The following TMTC4 variants were observed in gnomAD, a reference collection of about 807,000 sequenced individuals.
TMTC4 encodes transmembrane O-mannosyltransferase targeting cadherins 4, also known as protein O-mannosyl-transferase TMTC4.
Under a neutral mutation model 86.0 loss-of-function variants are expected in TMTC4, and 65 were observed. The ratio of observed to expected loss-of-function variants is 0.76; its 90% CI spans 0.62 to 0.93. TMTC4 has a LOEUF of 0.93. Among genes scored for constraint, TMTC4 ranks in the 40% least tolerant of loss-of-function variants. TMTC4 has a pLI of 0.00. For missense variants in TMTC4, 866 were observed against 948.1 expected (o/e 0.91, Z 1.14); for synonymous variants, 379 against 382.5 (o/e 0.99, Z 0.11).
At chr13:100,612,373 A>G in intron 17 of TMTC4, 25 bp downstream of exon 17, 1 of 1,547,376 alleles carries the variant, frequency 6.5e-7, no homozygotes, top group African/African-American at 1.4e-5. Flanking sequence ...TAACTGCAAG[A>G]ACTCACAGCC....
At chr13:100,663,403 A>G (rs369515515) in intron 4 of TMTC4, among the ~76,000 whole-genome samples, 5 of 152,220 alleles carry the variant, frequency 3.3e-5, no homozygotes, top group East Asian at 1.9e-4. Flanking sequence ...CGGATGAAAC[A>G]TATGTGTCCA....
chr13:100,606,734 C>T (rs182606483), intron 17 of TMTC4, among the ~76,000 whole-genome samples: 2 of 152,214 alleles, frequency 1.3e-5, no homozygotes, highest in African/African-American at 2.4e-5. Context: ...TGCGTGATGA[C>T]GACAGGAGGC....
intron 5 of TMTC4, among the ~76,000 whole-genome samples, chr13:100,661,891 GTGTA>G (rs1265231579): frequency 6.6e-6 from 1 of 152,186 alleles, no homozygotes; most frequent in Non-Finnish European, 1.5e-5. Flanking sequence ...AAGTAATAAA[GTGTA>G]TGTGATTATT....
intron 4 of TMTC4, 47 bp downstream of exon 4, chr13:100,664,174 C>T (rs1886130359): frequency 6.6e-7 from 1 of 1,505,232 alleles, no homozygotes; most frequent in Non-Finnish European, 9.0e-7. Flanking sequence ...CAATGTCACA[C>T]ACAAGCTGGG....
At chr13:100,643,372 T>C (rs775776690) in intron 6 of TMTC4, among the ~76,000 whole-genome samples, 1 of 152,220 alleles carries the variant, frequency 6.6e-6, no homozygotes, top group East Asian at 1.9e-4. Context: ...TGCCACTCAC[T>C]GCGTGACACT....
intron 6 of TMTC4, among the ~76,000 whole-genome samples, chr13:100,646,013 G>A (rs568245578): frequency 7.9e-5 from 12 of 152,230 alleles, no homozygotes; most frequent in African/African-American, 2.9e-4. Flanking sequence ...TCCCACTTGA[G>A]AACCATTGCC....
Position 100,649,218 on chromosome 13 carries a change from C to T in TMTC4, c.641-6907G>A, listed in dbSNP as rs140365268. ...CTGGAGGTGAACAAAAAAGGCCTTA[C>T]AAAAATTCAAGTGAAAAACTAGCTC... On this transcript the variant is annotated intron_variant, in intron 6 of 18. Coordinates refer to ENST00000342624, the MANE Select transcript of TMTC4 (RefSeq NM_032813.5). Among the ~76,000 whole-genome samples, 9 of 152,264 alleles carry T rather than the reference C, an allele frequency of 5.9e-5. No homozygotes were observed. In the East Asian group the frequency reaches 1.7e-3, roughly 29 times the overall value.
chr13:100,607,818 G>A (rs1257438736), intron 17 of TMTC4, among the ~76,000 whole-genome samples: 1 of 152,116 alleles, frequency 6.6e-6, no homozygotes, highest in South Asian at 2.1e-4. Flanking sequence ...AGGGACTTAA[G>A]AAAGACATCA....
chr13:100,660,358 A>T (rs562833649), intron 5 of TMTC4, among the ~76,000 whole-genome samples: 4 of 151,804 alleles, frequency 2.6e-5, no homozygotes, highest in Admixed American at 2.6e-4. Flanking sequence ...AGAAAAGAAA[A>T]AAAAAGAAAT....
At chr13:100,671,259 A>C (rs1280487986) in intron 1 of TMTC4, among the ~76,000 whole-genome samples, 1 of 152,154 alleles carries the variant, frequency 6.6e-6, no homozygotes, top group Non-Finnish European at 1.5e-5. Flanking sequence ...CGGTCTCCCA[A>C]GTAGCTGGGA....
chr13:100,610,080 C>T (rs1877322397), intron 17 of TMTC4, among the ~76,000 whole-genome samples: 2 of 152,168 alleles, frequency 1.3e-5, no homozygotes, highest in South Asian at 2.1e-4. Flanking sequence ...ACCAAAGACT[C>T]GGCTCCAACC....
chr13:100,606,581 G>A (rs1379199212), intron 17 of TMTC4, among the ~76,000 whole-genome samples, 154 bp from the exon 18 acceptor site: 1 of 152,332 alleles, frequency 6.6e-6, no homozygotes, highest in South Asian at 2.1e-4. Flanking sequence ...GCGGGGCCAC[G>A]CTCTGCCAAA....
intron 6 of TMTC4, among the ~76,000 whole-genome samples, chr13:100,652,906 C>T (rs1884633321): frequency 6.6e-6 from 1 of 152,208 alleles, no homozygotes. Context: ...GAAACCTGAC[C>T]TGGTACAAGA....
chr13:100,614,623 T>C (rs1433099871), intron 15 of TMTC4, among the ~76,000 whole-genome samples, 193 bp from the exon 16 acceptor site: 4 of 152,120 alleles, frequency 2.6e-5, no homozygotes, highest in Non-Finnish European at 5.9e-5. Context: ...ACCAATGAAG[T>C]AAATACTATT....
chr13:100,662,837 T>C (rs1885940262), intron 5 of TMTC4, 127 bp downstream of exon 5: 7 of 908,194 alleles, frequency 7.7e-6, no homozygotes, highest in South Asian at 1.5e-5. Flanking sequence ...TGTTGTGGAG[T>C]AGACTTTCTC....
intron 5 of TMTC4, among the ~76,000 whole-genome samples, chr13:100,662,126 G>A (rs1286236325): frequency 6.6e-6 from 1 of 151,488 alleles, no homozygotes; most frequent in African/African-American, 2.4e-5. Flanking sequence ...CTGAGGATAT[G>A]CTGATGTATT....
rs189097183 is a variant in TMTC4 at position 100,610,648 on chromosome 13, C to T, written c.2064+1750G>A. On this transcript the variant is annotated intron_variant, in intron 17 of 18. Coordinates refer to ENST00000342624, the MANE Select transcript of TMTC4 (RefSeq NM_032813.5). Reference sequence around the variant, plus strand: ...TCCATTCTGCTTTACAGAGTATTTTCTACTTTACTTGGGGGTGGGGGAGGA... The same window carrying T: ...TCCATTCTGCTTTACAGAGTATTTTTTACTTTACTTGGGGGTGGGGGAGGA... Among the ~76,000 whole-genome samples, 6 of 152,218 alleles carry T rather than the reference C, an allele frequency of 3.9e-5. No homozygotes were observed. In the East Asian group the frequency reaches 1.2e-3, roughly 29 times the overall value.
chr13:100,668,593 T>C lies in TMTC4; in HGVS notation c.205A>G (p.Ile69Val), dbSNP rs1394907630. 3 of 1,614,116 alleles carry C rather than the reference T, an allele frequency of 1.9e-6. No individual in the cohort carries two copies. Among genetic ancestry groups the C allele is most frequent in the Non-Finnish European group, 2.5e-6 (3 of 1,180,002 alleles). The change falls in exon 3 of 19, where the codon ATT (isoleucine) becomes GTT (valine). Residue 69 changes from isoleucine to valine, a missense_variant. Coordinates refer to ENST00000342624, the MANE Select transcript of TMTC4 (RefSeq NM_032813.5). Reference protein sequence around the residue: ...GDFVFDDSEAIVNNKDLQAET... With the variant: ...GDFVFDDSEAVVNNKDLQAET... ...GAGATACAAACCTTATTGTTAACAA[T>C]AGCTTCTGAGTCATCAAAGACAAAG... is the stretch of plus-strand genomic sequence containing the variant.
chr13:100,636,427 C>T (rs1437782154), intron 10 of TMTC4, 105 bp downstream of exon 10: 1 of 1,348,040 alleles, frequency 7.4e-7, no homozygotes, highest in African/African-American at 1.4e-5. Flanking sequence ...AACAAATGTC[C>T]TTAGACGTGA....
Sources: allele counts gnomAD v4.1 joint callset (sites outside exome capture counted in the v4.1 genomes callset), GRCh38; gene constraint gnomAD v4.1.1; transcripts MANE v1.5; gene names NCBI Gene and HGNC (gene_info 2026-07-23, HGNC 2026-07-21).